The following ANKS1B variants were observed in gnomAD, a reference collection of about 807,000 sequenced individuals.
The protein encoded by ANKS1B is ankyrin repeat and sterile alpha motif domain-containing protein 1B.
A neutral mutation model predicts 148.3 loss-of-function variants in ANKS1B; 36 were observed. That is an observed-to-expected ratio of 0.24 (90% CI 0.19 to 0.32). The LOEUF is 0.32. Among genes scored for constraint, ANKS1B ranks in the 10% least tolerant of loss-of-function variants. The probability of loss-of-function intolerance (pLI) is 1.00; values close to 1 mark genes in which losing one functional copy is unlikely to be tolerated. For synonymous variants in ANKS1B, 542 were observed against 560.8 expected (o/e 0.97, Z 0.47); for missense variants, 1,157 against 1,542.6 (o/e 0.75, Z 4.19).
intron 1 of ANKS1B, among the ~76,000 whole-genome samples, chr12:99,885,791 A>G (rs2153743279): frequency 6.6e-6 from 1 of 152,156 alleles, no homozygotes; most frequent in East Asian, 1.9e-4. Flanking sequence ...TGTTCATTAT[A>G]TCACTCTGTA....
At position 99,806,668 on chromosome 12, in the gene ANKS1B, T is replaced by G. The variant is rs755432470; in HGVS notation, c.405A>C (p.Ala135=). ...CTACTTCTGAGTGTCCATATTGAGC[T>G]GCACAGTGTAGGGCAGTTTCATTTT... The part of the protein sequence containing the change: ...NNENETALHC[A]AQYGHSEVVA... The change falls in exon 4 of 27, where the codon GCA becomes GCC. Residue 135 remains alanine, a synonymous_variant. Coordinates refer to ENST00000683438, the MANE Select transcript of ANKS1B (RefSeq NM_001352186.2). 1.8e-5 allele frequency: 29 copies of G among 1,613,892 alleles called. No individual in the cohort carries two copies. The highest frequency in any genetic ancestry group is 2.0e-5 in the Non-Finnish European group (24 of 1,179,884).
intron 10 of ANKS1B, among the ~76,000 whole-genome samples, chr12:99,470,114 C>CTAA (rs369653175): frequency 0.031 from 4,553 of 148,050 alleles, 89 homozygotes; most frequent in Middle Eastern, 0.083. Context: ...GACTCTGTCT[C>CTAA]TAATAATAAT....
chr12:98,803,575 G>C (rs11109612), intron 20 of ANKS1B, among the ~76,000 whole-genome samples: 1 of 152,122 alleles, frequency 6.6e-6, no homozygotes, highest in Non-Finnish European at 1.5e-5. Context: ...CCAAGCATCA[G>C]ATCTTCATGT....
At chr12:99,321,396 C>T (rs1428059352) in intron 12 of ANKS1B, among the ~76,000 whole-genome samples, 5 of 152,330 alleles carry the variant, frequency 3.3e-5, no homozygotes, top group East Asian at 1.9e-4. Context: ...ACTCAAGCCT[C>T]GGCAATGGCG....
intron 1 of ANKS1B, among the ~76,000 whole-genome samples, chr12:99,960,358 G>C (rs946672908): frequency 6.6e-6 from 1 of 152,142 alleles, no homozygotes; most frequent in Non-Finnish European, 1.5e-5. Flanking sequence ...AAATGAATTA[G>C]CCACATAAAT....
chr12:98,865,943 G>T (rs2099622193), intron 17 of ANKS1B, among the ~76,000 whole-genome samples: 1 of 152,116 alleles, frequency 6.6e-6, no homozygotes, highest in South Asian at 2.1e-4. Flanking sequence ...ATCTGGTGAG[G>T]GCATGCTTCC....
chr12:98,769,573 T>C (rs563067002), intron 25 of ANKS1B, among the ~76,000 whole-genome samples: 1 of 152,182 alleles, frequency 6.6e-6, no homozygotes, highest in South Asian at 2.1e-4. Flanking sequence ...ATCAGGGATA[T>C]AACGTTCATC....
chr12:99,609,224 G>A (rs996378529), intron 9 of ANKS1B, among the ~76,000 whole-genome samples: 2 of 151,908 alleles, frequency 1.3e-5, no homozygotes, highest in Non-Finnish European at 2.9e-5. Flanking sequence ...TCACCATACA[G>A]CCTTTTAAAA....
At chr12:99,374,814 A>G (rs2093320148) in intron 12 of ANKS1B, among the ~76,000 whole-genome samples, 1 of 152,180 alleles carries the variant, frequency 6.6e-6, no homozygotes, top group South Asian at 2.1e-4. Context: ...ATGGGTTTCA[A>G]TGTGAATTTG....
chr12:98,888,016 T>C (rs2099744034), intron 17 of ANKS1B, among the ~76,000 whole-genome samples: 1 of 152,230 alleles, frequency 6.6e-6, no homozygotes, highest in South Asian at 2.1e-4. Context: ...TTTGCACATA[T>C]TTATAGAAAG....
chr12:98,995,688 G>T (rs1400902112), intron 17 of ANKS1B, among the ~76,000 whole-genome samples: 2 of 152,186 alleles, frequency 1.3e-5, no homozygotes, highest in African/African-American at 4.8e-5. Context: ...ACAATGGATT[G>T]TAAGACATTG....
chr12:99,165,924 T>C (rs925429363), intron 14 of ANKS1B, among the ~76,000 whole-genome samples: 1 of 151,858 alleles, frequency 6.6e-6, no homozygotes, highest in Non-Finnish European at 1.5e-5. Context: ...TACAGGATGA[T>C]ACAATATGAC....
At chr12:99,334,127 T>TG (rs2088221832) in intron 12 of ANKS1B, among the ~76,000 whole-genome samples, 1 of 151,290 alleles carries the variant, frequency 6.6e-6, no homozygotes, top group East Asian at 1.9e-4. Context: ...TTTGCTCCTC[T>TG]AAATAGATAG....
chr12:99,630,080 C>A (rs1417667623), intron 9 of ANKS1B, among the ~76,000 whole-genome samples: 3 of 151,932 alleles, frequency 2.0e-5, no homozygotes, highest in African/African-American at 4.8e-5. Context: ...AGCAGCTGAA[C>A]AATGAAATAT....
chr12:99,528,621 T>C (rs1456286885), intron 9 of ANKS1B, among the ~76,000 whole-genome samples: 2 of 152,088 alleles, frequency 1.3e-5, no homozygotes, highest in African/African-American at 4.8e-5. Flanking sequence ...ATAAAATGAT[T>C]CATTTCAAAA....
intron 8 of ANKS1B, among the ~76,000 whole-genome samples, chr12:99,739,893 C>T (rs543076960): frequency 6.6e-6 from 1 of 152,300 alleles, no homozygotes; most frequent in South Asian, 2.1e-4. Flanking sequence ...TATCCCTTCC[C>T]TGCCTTGATT....
At chr12:99,013,302 T>A (rs542823017) in intron 17 of ANKS1B, among the ~76,000 whole-genome samples, 1 of 152,154 alleles carries the variant, frequency 6.6e-6, no homozygotes, top group Admixed American at 6.6e-5. Context: ...ATTTCCTATG[T>A]CTTAAGAACT....
At chr12:98,815,626 T>C (rs1168434950) in intron 19 of ANKS1B, among the ~76,000 whole-genome samples, 1 of 152,206 alleles carries the variant, frequency 6.6e-6, no homozygotes, top group East Asian at 1.9e-4. Context: ...AAGCTCCTGA[T>C]GACCTCACCT....
intron 1 of ANKS1B, among the ~76,000 whole-genome samples, chr12:99,917,004 T>C (rs913601760): frequency 2.6e-5 from 4 of 152,332 alleles, no homozygotes; most frequent in South Asian, 2.1e-4. Flanking sequence ...AACCCATATA[T>C]AGTTCCTTCA....
Sources: gnomAD v4.1 joint callset for allele counts (sites outside exome capture counted in the v4.1 genomes callset) on GRCh38, gnomAD v4.1.1 for gene constraint, MANE v1.5 for transcripts, NCBI Gene and HGNC (gene_info 2026-07-23, HGNC 2026-07-21) for gene names.